The following AGBL4 variants were observed in gnomAD, a reference collection of about 807,000 sequenced individuals.
AGBL4 encodes AGBL carboxypeptidase 4, also known as cytosolic carboxypeptidase 6.
Under a neutral mutation model 66.4 loss-of-function variants are expected in AGBL4, and 58 were observed. The ratio of observed to expected loss-of-function variants is 0.87; its 90% CI spans 0.71 to 1.09. The LOEUF is 1.09. Ranked by LOEUF, AGBL4 falls within the 50% of genes least tolerant of loss-of-function variation. The pLI, the probability that AGBL4 is intolerant of heterozygous loss-of-function variation, is 0.00. For missense variants in AGBL4, 579 were observed against 631.0 expected (o/e 0.92, Z 0.88); for synonymous variants, 234 against 222.9 (o/e 1.05, Z -0.44).
intron 2 of AGBL4, among the ~76,000 whole-genome samples, chr1:49,802,515 A>AT (rs1644886371): frequency 6.6e-6 from 1 of 152,190 alleles, no homozygotes. Flanking sequence ...TCTGTTAGAA[A>AT]TTACTGATGC....
At chr1:49,865,254 C>A (rs1036713084) in intron 1 of AGBL4, among the ~76,000 whole-genome samples, 2 of 152,192 alleles carry the variant, frequency 1.3e-5, no homozygotes, top group Non-Finnish European at 2.9e-5. Flanking sequence ...CACCAAAGAG[C>A]AGGCAGAGTT....
At chr1:49,740,935 A>C (rs1650394257) in intron 2 of AGBL4, among the ~76,000 whole-genome samples, 1 of 152,218 alleles carries the variant, frequency 6.6e-6, no homozygotes, top group South Asian at 2.1e-4. Context: ...CTAAATGCCC[A>C]GGAGAGAAGC....
intron 2 of AGBL4, among the ~76,000 whole-genome samples, chr1:49,807,838 G>A (rs1231978549): frequency 6.6e-6 from 1 of 152,200 alleles, no homozygotes; most frequent in Non-Finnish European, 1.5e-5. Flanking sequence ...GAGCCCCAAT[G>A]AATAGGATAA....
chr1:49,691,250 A>T (rs1646880534), intron 3 of AGBL4: 1 of 152,348 alleles, frequency 6.6e-6, no homozygotes, highest in South Asian at 2.1e-4. Flanking sequence ...AGGTCTGGGC[A>T]GATGTCCAGT....
At chr1:49,544,438 T>C (rs1652317852) in intron 3 of AGBL4, among the ~76,000 whole-genome samples, 2 of 152,228 alleles carry the variant, frequency 1.3e-5, no homozygotes, top group South Asian at 4.1e-4. Flanking sequence ...TCTTCTGTTA[T>C]TGAGAATTGT....
intron 4 of AGBL4, among the ~76,000 whole-genome samples, chr1:49,081,899 G>A (rs1040368676): frequency 2.0e-5 from 3 of 152,238 alleles, no homozygotes; most frequent in East Asian, 3.9e-4. Flanking sequence ...CCTTTTCCAC[G>A]TGTTTGGCAC....
intron 3 of AGBL4, among the ~76,000 whole-genome samples, chr1:49,522,056 T>A (rs1240195888): frequency 1.3e-5 from 2 of 152,082 alleles, no homozygotes; most frequent in African/African-American, 4.8e-5. Context: ...ACCCTCTGAA[T>A]CTAAAATAAA....
At chr1:49,141,427 T>A (rs1000765700) in intron 4 of AGBL4, among the ~76,000 whole-genome samples, 2 of 152,114 alleles carry the variant, frequency 1.3e-5, no homozygotes, top group Non-Finnish European at 2.9e-5. Flanking sequence ...AAATACTAAA[T>A]GAGAATCTGA....
chr1:50,005,522 C>T (rs1476370802), intron 1 of AGBL4, among the ~76,000 whole-genome samples: 1 of 152,116 alleles, frequency 6.6e-6, no homozygotes, highest in Non-Finnish European at 1.5e-5. Context: ...GAAAACCTTT[C>T]AAAGAAGGAC....
chr1:48,915,053 C>T (rs527483325), intron 5 of AGBL4, among the ~76,000 whole-genome samples: 3 of 152,182 alleles, frequency 2.0e-5, no homozygotes, highest in Non-Finnish European at 2.9e-5. Context: ...AAATCTCTAT[C>T]GTGTTATTTT....
intron 5 of AGBL4, among the ~76,000 whole-genome samples, chr1:48,921,091 T>C (rs1156937130): frequency 2.0e-5 from 3 of 152,100 alleles, no homozygotes; most frequent in Non-Finnish European, 4.4e-5. Context: ...TGTGGCTCAG[T>C]GCATCAGCAG....
At chr1:48,996,276 AT>A (rs1449198611) in intron 5 of AGBL4, among the ~76,000 whole-genome samples, 1 of 152,220 alleles carries the variant, frequency 6.6e-6, no homozygotes, top group African/African-American at 2.4e-5. Flanking sequence ...AAGGTTGAAA[AT>A]GTAGATATGG....
chr1:49,203,951 GA>G (rs1307417343), intron 4 of AGBL4, among the ~76,000 whole-genome samples: 3 of 152,178 alleles, frequency 2.0e-5, no homozygotes, highest in African/African-American at 4.8e-5. Context: ...TCACACTAAA[GA>G]TTTTTTTGAA....
chr1:49,927,077 T>A (rs1484871243), intron 1 of AGBL4, among the ~76,000 whole-genome samples: 1 of 152,078 alleles, frequency 6.6e-6, no homozygotes, highest in Non-Finnish European at 1.5e-5. Flanking sequence ...TCACGTTTTT[T>A]CTGCCTGCAA....
chr1:49,321,884 C>T (rs955280953), intron 3 of AGBL4, among the ~76,000 whole-genome samples: 2 of 152,290 alleles, frequency 1.3e-5, no homozygotes, highest in Non-Finnish European at 2.9e-5. Flanking sequence ...TGCACTGAAG[C>T]GTTTAATTGC....
chr1:49,602,789 C>T (rs1006876104), intron 3 of AGBL4, among the ~76,000 whole-genome samples: 2 of 150,904 alleles, frequency 1.3e-5, no homozygotes, highest in Non-Finnish European at 2.9e-5. Context: ...CAAACCTCCA[C>T]GTTCTGCACA....
intron 5 of AGBL4, among the ~76,000 whole-genome samples, chr1:48,907,764 T>C (rs140082245): frequency 6.6e-6 from 1 of 152,206 alleles, no homozygotes; most frequent in East Asian, 1.9e-4. Flanking sequence ...GCTCATGATA[T>C]AGTTGGGGAT....
chr1:49,795,171 C>G (rs1244104993), intron 2 of AGBL4, among the ~76,000 whole-genome samples: 2 of 151,350 alleles, frequency 1.3e-5, no homozygotes, highest in Non-Finnish European at 3.0e-5. Context: ...TATAAACTGG[C>G]CTAAACATAA....
At chr1:49,431,038 G>T (rs1645774937) in intron 3 of AGBL4, among the ~76,000 whole-genome samples, 1 of 152,126 alleles carries the variant, frequency 6.6e-6, no homozygotes, top group Non-Finnish European at 1.5e-5. Context: ...CCGTTGTATT[G>T]CTGATGGACA....
Sources: allele counts gnomAD v4.1 joint callset (sites outside exome capture counted in the v4.1 genomes callset), GRCh38; gene constraint gnomAD v4.1.1; transcripts MANE v1.5; gene names NCBI Gene and HGNC (gene_info 2026-07-23, HGNC 2026-07-21).